Variants in LDLRAD4 observed in about 807,000 individuals in gnomAD.
LDLRAD4 encodes low density lipoprotein receptor class A domain containing 4.
A neutral mutation model predicts 17.0 loss-of-function variants in LDLRAD4; 5 were observed. That is an observed-to-expected ratio of 0.29 (90% CI 0.15 to 0.62). The LOEUF is 0.62. Among genes scored for constraint, LDLRAD4 ranks in the 20% least tolerant of loss-of-function variants. The pLI is 0.84. For synonymous variants in LDLRAD4, 168 were observed against 171.8 expected (o/e 0.98, Z 0.17); for missense variants, 340 against 424.7 (o/e 0.80, Z 1.75).
At chr18:13,389,020 G>T (rs376305613) in intron 2 of LDLRAD4, among the ~76,000 whole-genome samples, 1 of 152,200 alleles carries the variant, frequency 6.6e-6, no homozygotes, top group Non-Finnish European at 1.5e-5. Context: ...GATGAGCTCC[G>T]CAGCTGTGTA....
intron 3 of LDLRAD4, chr18:13,489,604 C>G (rs1261988065): frequency 6.6e-6 from 1 of 152,244 alleles, no homozygotes; most frequent in Non-Finnish European, 1.5e-5. Flanking sequence ...CAGTCTTAGC[C>G]AGCTTGGTCC....
chr18:13,274,576 T>C (rs2044748482), upstream of LDLRAD4, among the ~76,000 whole-genome samples: 1 of 152,224 alleles, frequency 6.6e-6, no homozygotes, highest in Admixed American at 6.5e-5. Context: ...GAGACGATGA[T>C]CACGTTTGCT....
chr18:13,513,168 G>A (rs1022204997), intron 3 of LDLRAD4, among the ~76,000 whole-genome samples: 35 of 152,322 alleles, frequency 2.3e-4, no homozygotes, highest in South Asian at 2.1e-4. Context: ...AGTTTGCTTT[G>A]TTCTGGGTGG....
At chr18:13,444,751 A>G (rs1568162848) in intron 3 of LDLRAD4, among the ~76,000 whole-genome samples, 1 of 152,202 alleles carries the variant, frequency 6.6e-6, no homozygotes, top group East Asian at 1.9e-4. Flanking sequence ...CGCATGTAGC[A>G]TATGGGGCAT....
intron 2 of LDLRAD4, among the ~76,000 whole-genome samples, chr18:13,415,216 T>G (rs989204371): frequency 6.6e-6 from 1 of 152,144 alleles, no homozygotes; most frequent in Non-Finnish European, 1.5e-5. Context: ...CCTCTTGAGT[T>G]TCCTCCTCAG....
At chr18:13,419,842 G>A (rs1291407150) in intron 2 of LDLRAD4, 1 of 152,120 alleles carries the variant, frequency 6.6e-6, no homozygotes, top group African/African-American at 2.4e-5. Flanking sequence ...GTACCCTCAC[G>A]TGCACATGTT....
chr18:13,224,291 C>T (rs994005621), intron 1 of LDLRAD4, among the ~76,000 whole-genome samples: 2 of 152,172 alleles, frequency 1.3e-5, no homozygotes, highest in Non-Finnish European at 2.9e-5. Context: ...AAAACCACTT[C>T]CATCAGCCTC....
intron 1 of LDLRAD4, among the ~76,000 whole-genome samples, chr18:13,378,198 A>G (rs1297033192): frequency 1.3e-5 from 2 of 152,178 alleles, no homozygotes; most frequent in Non-Finnish European, 2.9e-5. Flanking sequence ...CTTAAGGTGT[A>G]GGGTGTTTTG....
intron 3 of LDLRAD4, among the ~76,000 whole-genome samples, chr18:13,517,375 A>G (rs2093883265): frequency 6.6e-6 from 1 of 152,218 alleles, no homozygotes; most frequent in South Asian, 2.1e-4. Context: ...CCTGCACGAT[A>G]CACATGAGTA....
At chr18:13,396,743 A>G (rs2086728740) in intron 2 of LDLRAD4, among the ~76,000 whole-genome samples, 2 of 152,196 alleles carry the variant, frequency 1.3e-5, no homozygotes, top group Admixed American at 6.5e-5. Context: ...TTGGCCTCCC[A>G]AAGTGCTAGG....
chr18:13,395,593 T>C (rs374348207), intron 2 of LDLRAD4, among the ~76,000 whole-genome samples: 3,238 of 25,598 alleles, frequency 0.13, 253 homozygotes, highest in East Asian at 0.32. Context: ...GGGGCGGGAG[T>C]TGGCGTGGGG....
chr18:13,411,368 C>G (rs1408948544), intron 2 of LDLRAD4, among the ~76,000 whole-genome samples: 2 of 152,012 alleles, frequency 1.3e-5, no homozygotes, highest in Non-Finnish European at 2.9e-5. Context: ...AATGCTTGAA[C>G]AAAGCATTTG....
intron 1 of LDLRAD4, among the ~76,000 whole-genome samples, chr18:13,245,943 G>A (rs1159779493): frequency 6.6e-6 from 1 of 152,238 alleles, no homozygotes; most frequent in African/African-American, 2.4e-5. Flanking sequence ...TCGGGGCTCA[G>A]AGCACTGCAG....
chr18:13,227,760 A>G (rs1276008477), intron 1 of LDLRAD4, among the ~76,000 whole-genome samples: 2 of 152,226 alleles, frequency 1.3e-5, no homozygotes, highest in South Asian at 2.1e-4. Flanking sequence ...AAAGCCCTTT[A>G]TAAAACCATC....
chr18:13,460,803 T>A (rs2092389151), intron 3 of LDLRAD4, among the ~76,000 whole-genome samples: 1 of 152,178 alleles, frequency 6.6e-6, no homozygotes, highest in African/African-American at 2.4e-5. Context: ...TATTATAAAC[T>A]TCCTAAGATA....
In LDLRAD4 at chr18:13,494,955, C is replaced by T. The variant is rs957788200; in HGVS notation, c.181+56571C>T. Among the ~76,000 whole-genome samples, 5 of 151,764 alleles carry T rather than the reference C, an allele frequency of 3.3e-5. No individual in the cohort carries two copies. In the South Asian group the frequency reaches 6.2e-4, roughly 19 times the overall value. ...GCTCATATTCAGCTTAAGGCACAAG[C>T]GAACCCCGTTTGCCTTCAACCCTGA... On this transcript the variant is annotated intron_variant, in intron 3 of 5. Transcript: ENST00000359446.
At chr18:13,222,605 A>G (rs532581600) in intron 1 of LDLRAD4, among the ~76,000 whole-genome samples, 2 of 152,358 alleles carry the variant, frequency 1.3e-5, no homozygotes, top group Middle Eastern at 3.4e-3. Flanking sequence ...CCTGGTGTGC[A>G]TGCAGCTGCG....
chr18:13,380,395 C>T (rs2085264302), intron 1 of LDLRAD4, among the ~76,000 whole-genome samples: 1 of 152,180 alleles, frequency 6.6e-6, no homozygotes, highest in Admixed American at 6.5e-5. Context: ...GAACTGGAAG[C>T]TTGGGCCAGG....
intron 3 of LDLRAD4, among the ~76,000 whole-genome samples, chr18:13,544,885 C>CT (rs58284452): frequency 8.1e-5 from 10 of 122,850 alleles, no homozygotes; most frequent in East Asian, 2.3e-4. Context: ...GATGGTTTGT[C>CT]TTTTTTTTTT....
Sources: gnomAD v4.1 joint callset for allele counts (sites outside exome capture counted in the v4.1 genomes callset) on GRCh38, gnomAD v4.1.1 for gene constraint, MANE v1.5 for transcripts, NCBI Gene and HGNC (gene_info 2026-07-23, HGNC 2026-07-21) for gene names.